The following TRIM28 variants were observed in gnomAD, a reference collection of about 807,000 sequenced individuals.
TRIM28 encodes the protein tripartite motif containing 28.
A neutral mutation model predicts 87.4 loss-of-function variants in TRIM28; 8 were observed. That is an observed-to-expected ratio of 0.09 (90% CI 0.05 to 0.17). TRIM28 has a LOEUF of 0.17. TRIM28 is among the 10% of genes least tolerant of loss of function. The pLI, the probability that TRIM28 is intolerant of heterozygous loss-of-function variation, is 1.00. For missense variants in TRIM28, 968 were observed against 1,131.8 expected (o/e 0.86, Z 2.08); for synonymous variants, 601 against 454.3 (o/e 1.32, Z -4.11).
In TRIM28 at chr19:58,548,639, C is replaced by A; in HGVS notation, c.1323+47C>A. ...GGAAGGGGTGGGCAGGGAATGGGGTCCAGTAGCAGGAGAGAGGACCCAGGC... is the reference window on the plus strand; with the variant it reads ...GGAAGGGGTGGGCAGGGAATGGGGTACAGTAGCAGGAGAGAGGACCCAGGC... On this transcript the variant is annotated intron_variant, in intron 9 of 16. Coordinates refer to ENST00000253024, the MANE Select transcript of TRIM28 (RefSeq NM_005762.3). The A allele has an allele frequency of 1.9e-6, 3 of 1,604,870 alleles. No homozygotes were observed. The South Asian group carries it at 3.3e-5, about 18-fold the overall frequency.
chr19:58,548,398 C>G lies in TRIM28; in HGVS notation c.1206C>G (p.Ala402=), dbSNP rs142842422. 1.2e-6 allele frequency: 2 copies of G among 1,613,962 alleles called. No homozygotes were observed. The highest frequency in any genetic ancestry group is 1.3e-5 in the African/African-American group (1 of 74,892). ...ACCTCAATGCCTGGACCAAGAGTGC[C>G]GAGGCCTTTGGTGGGTCCCCAGCTT... is the stretch of plus-strand genomic sequence containing the variant. The part of the protein sequence containing the change: ...QWDLNAWTKS[A]EAFGKIVAER... Residue 402 remains alanine, a synonymous_variant, in exon 8 of 17, where the codon GCC becomes GCG. Transcript: ENST00000253024.
rs1231873061 is a variant in TRIM28, at chr19:58,548,136, C to T, written c.1057C>T (p.Leu353=). 1.2e-6 allele frequency: 2 copies of T among 1,614,234 alleles called. No homozygotes were observed. Among genetic ancestry groups the T allele is most frequent in the Admixed American group, 1.7e-5 (1 of 60,034 alleles). The stretch of plus-strand genomic sequence containing the variant: ...CATTCTGCGCTTTGCCTCTTGGGCT[C>T]TGGAGAGTGACAACAACACAGCCCT... ...EHILRFASWA[L]ESDNNTALLL... Residue 353 remains leucine (L), a synonymous_variant, in exon 7 of 17, where the codon CTG becomes TTG. Coordinates refer to ENST00000253024, the MANE Select transcript of TRIM28 (RefSeq NM_005762.3).
rs757912942 is a variant in TRIM28, at chr19:58,549,873, G to A, written c.2106+13G>A. On this transcript the variant is annotated intron_variant, in intron 14 of 16. Coordinates refer to ENST00000253024, the MANE Select transcript of TRIM28 (RefSeq NM_005762.3). The surrounding 1 kb of genome is among the most constrained non-coding windows in gnomAD (Gnocchi z 4.4). The stretch of plus-strand genomic sequence containing the variant: ...AGCCAACCAGCGGGTGAGGGCTGGG[G>A]TTACTTAGGTGGGGTTGCCCAGAGA... The A allele has an allele frequency of 6.2e-7, 1 of 1,613,214 alleles. No homozygotes were observed. Among genetic ancestry groups the A allele is most frequent in the Non-Finnish European group, 8.5e-7 (1 of 1,179,192 alleles).
At chr19:58,546,825 G>A (rs956040119) in intron 3 of TRIM28, among the ~76,000 whole-genome samples, 3 of 152,080 alleles carry the variant, frequency 2.0e-5, no homozygotes, top group African/African-American at 7.2e-5. Flanking sequence ...TGCTCTAGAG[G>A]GGGTGTGACC....
chr19:58,548,257 G>T, intron 7 of TRIM28, 37 bp from the exon 8 acceptor site: 1 of 1,613,884 alleles, frequency 6.2e-7, no homozygotes. Flanking sequence ...TTTGTTGTTG[G>T]TGTGCTCATT....
In TRIM28 at chr19:58,550,130, G is replaced by A; in HGVS notation, c.2194-17G>A. ...TATGTGTGTCTTTGTGTGTGTATGT[G>A]TGATCTCTGCCTGCAGGACCAGCCC... On this transcript the variant is annotated splice_polypyrimidine_tract_variant and intron_variant, in intron 15 of 16. Transcript: ENST00000253024. 5 of 1,613,802 alleles carry A rather than the reference G, an allele frequency of 3.1e-6. No individual in the cohort carries two copies. The highest frequency in any genetic ancestry group is 4.2e-6 in the Non-Finnish European group (5 of 1,179,956).
rs756254991 is a variant in TRIM28 at position 58,549,362 on chromosome 19, C to T, written c.1694C>T (p.Pro565Leu). 2 of 1,569,998 alleles carry T rather than the reference C, an allele frequency of 1.3e-6. No homozygotes were observed. The highest frequency in any genetic ancestry group is 2.3e-5 in the East Asian group (1 of 44,366). Residue 565 changes from proline to leucine, a missense_variant, in exon 13 of 17, where the codon CCT becomes CTT. Physicochemically the swap from Pro to Leu is moderately conservative, Grantham distance 98. Coordinates refer to ENST00000253024, the MANE Select transcript of TRIM28 (RefSeq NM_005762.3). The surrounding 1 kb of genome is among the most constrained non-coding windows in gnomAD (Gnocchi z 4.4). ...EEETEAAIGA[P>L]PTATEGPETK... is the part of the protein sequence containing the mutation. ...GAGACGGAGGCTGCCATTGGAGCCC[C>T]TCCTACTGCCACTGAGGGCCCTGAG...
chr19:58,545,477 G>T lies in TRIM28; in HGVS notation c.393G>T (p.Glu131Asp). ...KQQCFSKDIV[E>D]NYFMRDSGSK... is the part of the protein sequence containing the mutation. ...AGTGCTTCTCCAAAGACATCGTGGA[G>T]AATTATTTCATGCGTGATAGTGGCA... The change falls in exon 2 of 17, where the codon GAG (glutamate) becomes GAT (aspartate). Residue 131 changes from glutamate (E) to aspartate (D), a missense_variant. Glu to Asp is a conservative substitution (Grantham distance 45). Coordinates refer to ENST00000253024, the MANE Select transcript of TRIM28 (RefSeq NM_005762.3). The T allele has an allele frequency of 1.3e-6, 2 of 1,566,518 alleles. No homozygotes were observed. The highest frequency in any genetic ancestry group is 1.1e-5 in the South Asian group (1 of 90,358).
rs200074114 is a variant in TRIM28, at chr19:58,550,176, C to A, written c.2223C>A (p.Thr741=). ...AGCCCGGTGGCACCCTGGATCTGAC[C>A]CTGATCCGTGCCCGCCTCCAGGAGA... The part of the protein sequence containing the change: ...LDQPGGTLDL[T]LIRARLQEKL... The change falls in exon 16 of 17, where the codon ACC becomes ACA. Residue 741 remains threonine, a synonymous_variant. Transcript: ENST00000253024. 1 of 1,613,974 alleles carries A rather than the reference C, an allele frequency of 6.2e-7. No homozygotes were observed. The highest frequency in any genetic ancestry group is 1.3e-5 in the African/African-American group (1 of 74,982).
rs1345857854 is a variant in TRIM28 at position 58,548,482 on chromosome 19, G to C, written c.1217-4G>C. The C allele has an allele frequency of 1.2e-6, 2 of 1,613,974 alleles. No homozygotes were observed. The highest frequency in any genetic ancestry group is 2.2e-5 in the South Asian group (2 of 91,084). On this transcript the variant is annotated splice_polypyrimidine_tract_variant and splice_region_variant and intron_variant, in intron 8 of 16. Coordinates refer to ENST00000253024, the MANE Select transcript of TRIM28 (RefSeq NM_005762.3). ...CTACTTACGTTTCTCTCTTCTTTTT[G>C]CAGGCAAGATTGTGGCAGAGCGTCC...
rs1173513546 is a variant in TRIM28 at position 58,544,565 on chromosome 19, A to G, written c.-193A>G. 6.4e-6 allele frequency: 1 copy of G among 156,170 alleles called. No individual in the cohort carries two copies. Among genetic ancestry groups the G allele is most frequent in the Non-Finnish European group, 1.4e-5 (1 of 71,674 alleles). The allele number at this position is 156,170 out of a possible 1,614,324, so 9.7% of individuals were successfully genotyped here. On this transcript the variant is annotated 5_prime_UTR_variant, in exon 1 of 17. Transcript: ENST00000253024. ...GCGCGGGCGGCGCCTTCGGGAGGCGAGCAGGCAGCAGTTGGCCGTGCCGTA... is the reference window on the plus strand; with the variant it reads ...GCGCGGGCGGCGCCTTCGGGAGGCGGGCAGGCAGCAGTTGGCCGTGCCGTA...
At chr19:58,547,193 G>A (rs1177274636) in intron 3 of TRIM28, 183 bp from the exon 4 acceptor site, 5 of 619,778 alleles carry the variant, frequency 8.1e-6, no homozygotes, top group Non-Finnish European at 1.4e-5. Context: ...TTGGGGCAGA[G>A]GATTCTGGGA....
In TRIM28 at chr19:58,547,365, C is replaced by T. The variant is rs372054501; in HGVS notation, c.587-11C>T. On this transcript the variant is annotated splice_polypyrimidine_tract_variant and intron_variant, in intron 3 of 16. Coordinates refer to ENST00000253024, the MANE Select transcript of TRIM28 (RefSeq NM_005762.3). The stretch of plus-strand genomic sequence containing the variant: ...AGGGCAAGGTCCAGCCTTATGATTC[C>T]CACTCCCCAGGGCCAGCCAAGTCTC... 63 of 1,611,608 alleles carry T rather than the reference C, an allele frequency of 3.9e-5. No homozygotes were observed. The highest frequency in any genetic ancestry group is 4.9e-5 in the Non-Finnish European group (58 of 1,178,218).
chr19:58,547,798 C>T lies in TRIM28; in HGVS notation c.846C>T (p.Arg282=), dbSNP rs766841079. 6.2e-7 allele frequency: 1 copy of T among 1,614,132 alleles called. No individual in the cohort carries two copies. Among genetic ancestry groups the T allele is most frequent in the Non-Finnish European group, 8.5e-7 (1 of 1,180,026 alleles). The change falls in exon 6 of 17, where the codon CGC becomes CGT. Residue 282 remains arginine, a synonymous_variant. Transcript: ENST00000253024. ...KSTKEVRSSI[R]QVSDVQKRVQ... ...GACCTGCTGTGTCCCCTAGAATCCG[C>T]CAGGTGTCTGACGTACAGAAGCGTG...
chr19:58,548,563 C>G lies in TRIM28; in HGVS notation c.1294C>G (p.Leu432Val). Residue 432 changes from leucine (L) to valine (V), a missense_variant, in exon 9 of 17, where the codon CTG (leucine) becomes GTG (valine). Physicochemically the swap from Leu to Val is conservative, Grantham distance 32 (BLOSUM62 1). This residue lies in a region of TRIM28 where 119 missense variants were observed against 93.6 expected (regional missense o/e 1.27). Coordinates refer to ENST00000253024, the MANE Select transcript of TRIM28 (RefSeq NM_005762.3). ...GGCCCCTCCAAGAGCCCCAGGGCCC[C>G]TGAGCAAGCAGGGCTCTGGCAGCAG... ...PMAPPRAPGP[L>V]SKQGSGSSQP... 1 of 1,613,566 alleles carries G rather than the reference C, an allele frequency of 6.2e-7. No individual in the cohort carries two copies. The highest frequency in any genetic ancestry group is 8.5e-7 in the Non-Finnish European group (1 of 1,179,908).
Position 58,548,260 on chromosome 19 carries a change from T to C in TRIM28, c.1102-34T>C, listed in dbSNP as rs939162372. ...CTCAAATCCCTATTTGTTGTTGGTG[T>C]GCTCATTCTTTCCTCCCTTTCACTC... On this transcript the variant is annotated intron_variant, in intron 7 of 16. Transcript: ENST00000253024. 1.9e-6 allele frequency: 3 copies of C among 1,613,842 alleles called. No homozygotes were observed. The African/African-American group carries it at 4.0e-5, about 22-fold the overall frequency.
rs757633258 is a variant in TRIM28, at chr19:58,549,404, TGGCTCTTGC to T, written c.1739_1747del (p.Ala580_Ala582del). 1 of 1,595,298 alleles carries T rather than the reference TGGCTCTTGC, an allele frequency of 6.3e-7. No individual in the cohort carries two copies. The highest frequency in any genetic ancestry group is 1.7e-4 in the Middle Eastern group (1 of 5,964). The stretch of plus-strand genomic sequence containing the variant: ...GGCCCTGAGACCAAACCTGTGCTTA[TGGCTCTTGC>T]GGAGGGTCCTGGTGCTGAGGGTCCC... On this transcript the variant is annotated inframe_deletion, in exon 13 of 17. Transcript: ENST00000253024. This position sits in a 1 kb window ranked among gnomAD's most constrained non-coding sequence, Gnocchi z 4.4.
chr19:58,547,533 T>C, intron 4 of TRIM28, 22 bp downstream of exon 4: 2 of 1,613,716 alleles, frequency 1.2e-6, no homozygotes, highest in South Asian at 1.1e-5. Flanking sequence ...GGCATAGTGG[T>C]TGGGTGGGTG....
intron 3 of TRIM28, 195 bp from the exon 4 acceptor site, chr19:58,547,181 T>C (rs1325954752): frequency 3.2e-6 from 2 of 628,012 alleles, no homozygotes; most frequent in African/African-American, 3.7e-5. Flanking sequence ...TTCTCAGCTA[T>C]GTTGGGGCAG....
Sources: gnomAD v4.1 joint callset for allele counts (sites outside exome capture counted in the v4.1 genomes callset) on GRCh38, gnomAD v4.1.1 for gene constraint, gnomAD v4.1.1 regional missense constraint, Gnocchi (gnomAD v3.1) non-coding constraint, MANE v1.5 for transcripts, NCBI Gene and HGNC (gene_info 2026-07-23, HGNC 2026-07-21) for gene names.